The following MSI2 variants were observed in gnomAD, a reference collection of about 807,000 sequenced individuals.
The protein encoded by MSI2 is musashi RNA binding protein 2.
A neutral mutation model predicts 45.6 loss-of-function variants in MSI2; 17 were observed. The observed-to-expected ratio is 0.37, with a 90% CI of 0.26 to 0.56. The LOEUF is 0.56. Among genes scored for constraint, MSI2 ranks in the 20% least tolerant of loss-of-function variants. The pLI is 0.77. For synonymous variants in MSI2, 156 were observed against 158.2 expected (o/e 0.99, Z 0.11); for missense variants, 293 against 444.2 (o/e 0.66, Z 3.06).
chr17:57,619,697 T>G (rs1279335229), intron 9 of MSI2, among the ~76,000 whole-genome samples: 1 of 152,110 alleles, frequency 6.6e-6, no homozygotes, highest in Non-Finnish European at 1.5e-5. Context: ...TGAGAGCACC[T>G]ACTGAGGTGG....
intron 5 of MSI2, among the ~76,000 whole-genome samples, chr17:57,387,204 C>T (rs2083701804): frequency 6.6e-6 from 1 of 152,202 alleles, no homozygotes; most frequent in Admixed American, 6.5e-5. Flanking sequence ...TGGCCTAGTG[C>T]AAGTGTTTTA....
At position 57,429,872 on chromosome 17, in the gene MSI2, C is replaced by T. The variant is rs116747176; in HGVS notation, c.405+28401C>T. 5.3e-3 allele frequency among the ~76,000 whole-genome samples: 801 copies of T among 152,300 alleles called. 8 individuals carry two copies. Among genetic ancestry groups the T allele is most frequent in the African/African-American group, 0.018 (766 of 41,556 alleles). On this transcript the variant is annotated intron_variant, in intron 6 of 13. Transcript: ENST00000284073. ...CTGCAGTTGTCACACTGGTGATGAA[C>T]GTGGACACTGGGAGCAGGCAGGCCT...
chr17:57,684,084 G>A lies in MSI2; in HGVS notation c.*4567G>A. 1 of 221,310 alleles carries A rather than the reference G, an allele frequency of 4.5e-6. No homozygotes were observed. The highest frequency in any genetic ancestry group is 9.1e-6 in the Non-Finnish European group (1 of 110,470). The allele number at this position is 221,310 out of a possible 1,614,324, so 13.7% of individuals were successfully genotyped here. ...ATGTATTGTCTCAGACAGGATTTCA[G>A]TTCCGGGAGGCAGGGGCATGATGGG... On this transcript the variant is annotated 3_prime_UTR_variant, in exon 14 of 14. Transcript: ENST00000284073.
At chr17:57,513,107 G>A (rs1018548812) in intron 6 of MSI2, among the ~76,000 whole-genome samples, 12 of 151,558 alleles carry the variant, frequency 7.9e-5, no homozygotes, top group Admixed American at 2.6e-4. Context: ...CTGAGTAGCC[G>A]GAATTACAGG....
At chr17:57,484,909 G>A (rs1212099905) in intron 6 of MSI2, among the ~76,000 whole-genome samples, 6 of 152,098 alleles carry the variant, frequency 3.9e-5, no homozygotes, top group African/African-American at 1.2e-4. Flanking sequence ...CTTCTCTCTC[G>A]GGGAAACATG....
chr17:57,317,860 G>A (rs537662714), intron 5 of MSI2, among the ~76,000 whole-genome samples: 1 of 152,206 alleles, frequency 6.6e-6, no homozygotes, highest in East Asian at 1.9e-4. Context: ...GTTGAAAGCA[G>A]AATGTGGGCC....
At chr17:57,388,307 T>C (rs1357254618) in intron 5 of MSI2, among the ~76,000 whole-genome samples, 1 of 152,204 alleles carries the variant, frequency 6.6e-6, no homozygotes, top group African/African-American at 2.4e-5. Context: ...ATATCTGGGC[T>C]GGGGGGAATT....
At chr17:57,305,631 G>T (rs1181090599) in intron 5 of MSI2, among the ~76,000 whole-genome samples, 1 of 152,156 alleles carries the variant, frequency 6.6e-6, no homozygotes, top group Non-Finnish European at 1.5e-5. Flanking sequence ...AAGATAAAGT[G>T]TGTTAAATGG....
At chr17:57,324,958 G>A (rs1005253600) in intron 5 of MSI2, among the ~76,000 whole-genome samples, 1 of 152,208 alleles carries the variant, frequency 6.6e-6, no homozygotes, top group African/African-American at 2.4e-5. Context: ...AGTTGCCACA[G>A]CTCAGAGCCC....
chr17:57,385,742 A>G (rs936190428), intron 5 of MSI2, among the ~76,000 whole-genome samples: 4 of 152,226 alleles, frequency 2.6e-5, no homozygotes, highest in Non-Finnish European at 5.9e-5. Context: ...CCCTGACTCT[A>G]CTGACATAGT....
At chr17:57,506,296 A>T (rs182880438) in intron 6 of MSI2, among the ~76,000 whole-genome samples, 1 of 152,284 alleles carries the variant, frequency 6.6e-6, no homozygotes, top group African/African-American at 2.4e-5. Context: ...CTCCCTCGTG[A>T]TAAACAGTGT....
intron 9 of MSI2, among the ~76,000 whole-genome samples, chr17:57,619,368 G>A (rs984822036): frequency 6.6e-6 from 1 of 152,214 alleles, no homozygotes; most frequent in Non-Finnish European, 1.5e-5. Flanking sequence ...TCTATACAGA[G>A]AGCCTGATGC....
intron 11 of MSI2, among the ~76,000 whole-genome samples, chr17:57,672,940 C>G (rs1280848818): frequency 6.6e-6 from 1 of 152,204 alleles, no homozygotes; most frequent in East Asian, 1.9e-4. Flanking sequence ...CCAGCGCATT[C>G]CCAGATCAGC....
At chr17:57,274,708 G>A (rs553196422) in intron 5 of MSI2, among the ~76,000 whole-genome samples, 48 of 152,314 alleles carry the variant, frequency 3.2e-4, no homozygotes, top group African/African-American at 9.9e-4. Flanking sequence ...TATGTGACAC[G>A]GGTAGAATTG....
At chr17:57,577,876 G>A (rs909327827) in intron 7 of MSI2, among the ~76,000 whole-genome samples, 4 of 152,076 alleles carry the variant, frequency 2.6e-5, no homozygotes, top group African/African-American at 9.7e-5. Flanking sequence ...TTTTGTTCAC[G>A]GCAGGTCACT....
chr17:57,584,320 G>A (rs138021009), intron 7 of MSI2, among the ~76,000 whole-genome samples: 3 of 152,256 alleles, frequency 2.0e-5, no homozygotes, highest in Admixed American at 2.0e-4. Flanking sequence ...TAATAAAATA[G>A]GCCAGACCCC....
chr17:57,386,709 G>A (rs1304775240), intron 5 of MSI2, among the ~76,000 whole-genome samples: 1 of 152,226 alleles, frequency 6.6e-6, no homozygotes, highest in Non-Finnish European at 1.5e-5. Flanking sequence ...ATGCTGGAGG[G>A]TGCATTGACC....
chr17:57,398,265 C>T (rs1006778759), intron 5 of MSI2, among the ~76,000 whole-genome samples: 4 of 152,144 alleles, frequency 2.6e-5, no homozygotes, highest in African/African-American at 7.2e-5. Context: ...TATACCCGCC[C>T]GACTCTAAAC....
At chr17:57,455,694 A>G (rs2085100557) in intron 6 of MSI2, among the ~76,000 whole-genome samples, 1 of 152,148 alleles carries the variant, frequency 6.6e-6, no homozygotes, top group Non-Finnish European at 1.5e-5. Context: ...GCAGAGGGAC[A>G]GTGGGGGAGA....
Sources: gnomAD v4.1 joint callset for allele counts (sites outside exome capture counted in the v4.1 genomes callset) on GRCh38, gnomAD v4.1.1 for gene constraint, MANE v1.5 for transcripts, NCBI Gene and HGNC (gene_info 2026-07-23, HGNC 2026-07-21) for gene names.